KDM4C: variants seen among roughly 807,000 people sequenced by gnomAD.
KDM4C encodes the protein lysine-specific demethylase 4C.
In KDM4C, 81 loss-of-function variants were observed where a neutral mutation model predicts 129.3. That is an observed-to-expected ratio of 0.63 (90% CI 0.52 to 0.75). KDM4C has a LOEUF of 0.75. KDM4C is among the 30% of genes least tolerant of loss of function. The pLI, the probability that KDM4C is intolerant of heterozygous loss-of-function variation, is 0.00. For missense variants in KDM4C, 1,457 were observed against 1,304.0 expected, an observed-to-expected ratio of 1.12 and a Z score of -1.81; for synonymous variants, 573 against 456.1, an observed-to-expected ratio of 1.26 and a Z score of -3.26.
chr9:7,030,443 T>A (rs1027490845), intron 15 of KDM4C, among the ~76,000 whole-genome samples: 5 of 152,184 alleles, frequency 3.3e-5, no homozygotes, highest in African/African-American at 1.2e-4. Flanking sequence ...CAAGAGTGAA[T>A]CCTAAACTAA....
chr9:6,907,783 T>G (rs931434343), intron 8 of KDM4C, among the ~76,000 whole-genome samples: 3 of 152,246 alleles, frequency 2.0e-5, no homozygotes, highest in African/African-American at 7.2e-5. Context: ...AATGGCGTTC[T>G]TTATTCCTTG....
chr9:6,833,105 G>A (rs1446861203), intron 4 of KDM4C, among the ~76,000 whole-genome samples: 1 of 151,912 alleles, frequency 6.6e-6, no homozygotes, highest in East Asian at 1.9e-4. Flanking sequence ...TCTGAGCATG[G>A]GATATGGCTG....
At chr9:7,135,880 T>C (rs1427303366) in intron 19 of KDM4C, among the ~76,000 whole-genome samples, 3 of 152,184 alleles carry the variant, frequency 2.0e-5, no homozygotes, top group Middle Eastern at 3.2e-3. Context: ...CCATCTCAGC[T>C]TTGGGAAGTC....
chr9:6,925,431 TC>T, intron 8 of KDM4C: 1 of 933,566 alleles, frequency 1.1e-6, no homozygotes, highest in Non-Finnish European at 1.3e-6. Context: ...CTTCCTCCTT[TC>T]CCCTTTTCCT....
chr9:6,865,975 G>C (rs908031079), intron 5 of KDM4C, among the ~76,000 whole-genome samples: 2 of 151,988 alleles, frequency 1.3e-5, no homozygotes, highest in Non-Finnish European at 2.9e-5. Context: ...GGATGGTCTC[G>C]ATCTCCTGAC....
intron 2 of KDM4C, 94 bp from the exon 3 acceptor site, chr9:6,805,505 G>C: frequency 1.5e-6 from 1 of 685,402 alleles, no homozygotes; most frequent in Non-Finnish European, 2.2e-6. Context: ...GAGATACTGA[G>C]AAATTCTTCA....
At chr9:6,879,462 C>T (rs1318318633) in intron 5 of KDM4C, among the ~76,000 whole-genome samples, 1 of 151,948 alleles carries the variant, frequency 6.6e-6, no homozygotes, top group Non-Finnish European at 1.5e-5. Flanking sequence ...TAATCTTTTG[C>T]TTATTAAAGT....
chr9:7,055,605 G>A (rs1830764701), intron 17 of KDM4C, among the ~76,000 whole-genome samples: 1 of 152,136 alleles, frequency 6.6e-6, no homozygotes, highest in Non-Finnish European at 1.5e-5. Context: ...AGTTTTGAAA[G>A]GTATATCAAT....
At chr9:7,082,750 A>G (rs1377964378) in intron 17 of KDM4C, among the ~76,000 whole-genome samples, 1 of 152,220 alleles carries the variant, frequency 6.6e-6, no homozygotes, top group Non-Finnish European at 1.5e-5. Flanking sequence ...TACAGGGAAT[A>G]AACAATGAAG....
intron 8 of KDM4C, among the ~76,000 whole-genome samples, chr9:6,930,962 G>A (rs2131305827): frequency 6.6e-6 from 1 of 152,174 alleles, no homozygotes; most frequent in East Asian, 1.9e-4. Flanking sequence ...TGATGTATGG[G>A]ATCCTCTGAG....
intron 12 of KDM4C, among the ~76,000 whole-genome samples, chr9:6,991,390 T>G (rs1818719332): frequency 6.6e-6 from 1 of 152,304 alleles, no homozygotes; most frequent in African/African-American, 2.4e-5. Context: ...CTGGTTACCC[T>G]TCTCACCTTT....
intron 19 of KDM4C, among the ~76,000 whole-genome samples, chr9:7,157,765 A>G (rs191112763): frequency 6.6e-6 from 1 of 152,302 alleles, no homozygotes; most frequent in Non-Finnish European, 1.5e-5. Context: ...CCAGTATTTT[A>G]TTGAGGATTT....
chr9:7,053,009 C>T (rs1316393098), intron 17 of KDM4C, among the ~76,000 whole-genome samples: 2 of 152,004 alleles, frequency 1.3e-5, no homozygotes, highest in African/African-American at 4.8e-5. Context: ...TTTCATTTAA[C>T]TGTAGAAAAA....
chr9:6,995,908 TCTGC>T (rs1819636686), intron 12 of KDM4C, among the ~76,000 whole-genome samples: 3 of 152,216 alleles, frequency 2.0e-5, no homozygotes, highest in Admixed American at 1.3e-4. Context: ...GACCTCGTGA[TCTGC>T]CCACCTCGGC....
chr9:6,901,164 C>T (rs963187256), intron 8 of KDM4C, among the ~76,000 whole-genome samples: 3 of 152,086 alleles, frequency 2.0e-5, no homozygotes, highest in Non-Finnish European at 2.9e-5. Flanking sequence ...CATGAGGTGA[C>T]GTTTGAGAGA....
chr9:6,798,643 C>T (rs1828227776), intron 2 of KDM4C, among the ~76,000 whole-genome samples: 1 of 152,240 alleles, frequency 6.6e-6, no homozygotes, highest in Non-Finnish European at 1.5e-5. Flanking sequence ...CTACTTCTTT[C>T]CACACAGACA....
chr9:6,793,859 A>G (rs1792140932), intron 2 of KDM4C, among the ~76,000 whole-genome samples: 1 of 151,766 alleles, frequency 6.6e-6, no homozygotes, highest in South Asian at 2.1e-4. Flanking sequence ...TTTTTATATA[A>G]CACTTATTGA....
At chr9:6,829,322 T>C (rs1300178520) in intron 4 of KDM4C, among the ~76,000 whole-genome samples, 4 of 152,216 alleles carry the variant, frequency 2.6e-5, no homozygotes, top group Non-Finnish European at 5.9e-5. Context: ...GAGCCTGTTT[T>C]GTGAGTTCTG....
At chr9:7,092,410 A>G (rs1413644159) in intron 17 of KDM4C, among the ~76,000 whole-genome samples, 1 of 152,170 alleles carries the variant, frequency 6.6e-6, no homozygotes, top group Non-Finnish European at 1.5e-5. Context: ...TGTTACCTTT[A>G]TTACAAAAAA....
Sources: allele counts gnomAD v4.1 joint callset (sites outside exome capture counted in the v4.1 genomes callset), GRCh38; gene constraint gnomAD v4.1.1; transcripts MANE v1.5; gene names NCBI Gene and HGNC (gene_info 2026-07-23, HGNC 2026-07-21).